The following DDC variants were observed in gnomAD, a reference collection of about 807,000 sequenced individuals.
DDC encodes dopa decarboxylase.
DDC carries 43 observed loss-of-function variants against 60.0 expected under a neutral mutation model. The ratio of observed to expected loss-of-function variants is 0.72; its 90% CI spans 0.56 to 0.92. DDC has a LOEUF of 0.92. DDC is among the 40% of genes least tolerant of loss of function. The pLI is 0.00. For synonymous variants in DDC, 232 were observed against 234.6 expected, an observed-to-expected ratio of 0.99 and a Z score of 0.10; for missense variants, 573 against 620.2, an observed-to-expected ratio of 0.92 and a Z score of 0.81.
At chr7:50,462,843 C>G (rs534107974) in intron 14 of DDC, among the ~76,000 whole-genome samples, 2 of 143,268 alleles carry the variant, frequency 1.4e-5, no homozygotes, top group African/African-American at 5.3e-5. Context: ...GATCTCGGCT[C>G]ACGGCAACCT....
intron 14 of DDC, among the ~76,000 whole-genome samples, chr7:50,460,398 G>C (rs541002757): frequency 6.7e-6 from 1 of 148,620 alleles, no homozygotes; most frequent in African/African-American, 2.5e-5. Flanking sequence ...CGCCCCATCC[G>C]GGAGGAAGGT....
chr7:50,529,655 A>C (rs11575333), intron 4 of DDC, among the ~76,000 whole-genome samples: 1 of 152,212 alleles, frequency 6.6e-6, no homozygotes, highest in South Asian at 2.1e-4. Flanking sequence ...CTGGCCTAGG[A>C]CGACTGCTCC....
intron 1 of DDC, among the ~76,000 whole-genome samples, chr7:50,560,253 G>A (rs188566655): frequency 6.6e-6 from 1 of 152,116 alleles, no homozygotes; most frequent in Non-Finnish European, 1.5e-5. Context: ...AGAAATTTTC[G>A]CAAGGAGCCT....
At chr7:50,557,390 A>T (rs2045220210) in intron 1 of DDC, among the ~76,000 whole-genome samples, 1 of 152,200 alleles carries the variant, frequency 6.6e-6, no homozygotes, top group African/African-American at 2.4e-5. Flanking sequence ...GGCTGGAAAA[A>T]TTCATAACTT....
chr7:50,474,472 G>A (rs558350659), intron 11 of DDC, among the ~76,000 whole-genome samples: 1 of 152,344 alleles, frequency 6.6e-6, no homozygotes, highest in Admixed American at 6.5e-5. Flanking sequence ...TGGAGCAGAA[G>A]AACAGGCTGG....
chr7:50,463,121 C>G, intron 14 of DDC, 92 bp downstream of exon 14: 1 of 1,013,162 alleles, frequency 9.9e-7, no homozygotes, highest in Non-Finnish European at 1.5e-6. Context: ...ATTGAGTGGC[C>G]GGGCTGGGCC....
intron 3 of DDC, 154 bp downstream of exon 3, chr7:50,539,761 T>C: frequency 1.5e-6 from 1 of 663,690 alleles, no homozygotes; most frequent in East Asian, 2.8e-5. Flanking sequence ...GCACTCTCTC[T>C]GGGCTGAATC....
Position 50,479,483 on chromosome 7 carries a change from G to A in DDC, c.1021+304C>T, listed in dbSNP as rs2042719388. Among the ~76,000 whole-genome samples, 3 of 152,188 alleles carry A rather than the reference G, an allele frequency of 2.0e-5. No homozygotes were observed. In the South Asian group the frequency reaches 6.2e-4, roughly 31 times the overall value. On this transcript the variant is annotated intron_variant, in intron 10 of 14. Coordinates refer to ENST00000444124, the MANE Select transcript of DDC (RefSeq NM_001082971.2). ...GTTAAAGACGTTTCCTTATCTGCAG[G>A]TGGTATGCATGCCCATATTAAAATC...
Position 50,479,845 on chromosome 7 carries a change from G to A in DDC, c.963C>T (p.Asp321=). 6.2e-7 allele frequency: 1 copy of A among 1,613,700 alleles called. No individual in the cohort carries two copies. Among genetic ancestry groups the A allele is most frequent in the Non-Finnish European group, 8.5e-7 (1 of 1,179,940 alleles). ...CSAMWVKKRT[D]LTGAFRLDPT... ...GGTCCAGTCTAAAGGCTCCCGTTAA[G>A]TCTGTTCTCTTTTTCACCCTGGTTT... Residue 321 remains aspartate (D), a synonymous_variant, in exon 10 of 15, where the codon GAC becomes GAT. Coordinates refer to ENST00000444124, the MANE Select transcript of DDC (RefSeq NM_001082971.2).
chr7:50,552,470 G>C (rs1187084187), intron 1 of DDC, among the ~76,000 whole-genome samples: 2 of 152,274 alleles, frequency 1.3e-5, no homozygotes, highest in Non-Finnish European at 2.9e-5. Context: ...CTGCCTCCCT[G>C]GACTTCTGGC....
chr7:50,468,454 G>A (rs1396240898), intron 12 of DDC, among the ~76,000 whole-genome samples: 2 of 152,122 alleles, frequency 1.3e-5, no homozygotes, highest in African/African-American at 2.4e-5. Flanking sequence ...AGCTGAATTC[G>A]TCTCAAATGG....
chr7:50,470,490 T>C (rs2042506302), intron 11 of DDC, among the ~76,000 whole-genome samples: 1 of 152,208 alleles, frequency 6.6e-6, no homozygotes, highest in South Asian at 2.1e-4. Flanking sequence ...GGTTCCGTGG[T>C]GAGCAAACAG....
intron 7 of DDC, among the ~76,000 whole-genome samples, chr7:50,502,078 G>GAAA (rs900782931): frequency 6.7e-6 from 1 of 150,084 alleles, no homozygotes; most frequent in Admixed American, 6.6e-5. Context: ...CAAAAATAAA[G>GAAA]AAAAAAAAAG....
intron 14 of DDC, among the ~76,000 whole-genome samples, chr7:50,459,485 C>T (rs1021671413): frequency 1.4e-4 from 21 of 151,204 alleles, no homozygotes; most frequent in African/African-American, 4.1e-4. Flanking sequence ...CGTCTCTGCC[C>T]GGCCGCCATC....
chr7:50,510,120 T>C (rs948823728), intron 6 of DDC, among the ~76,000 whole-genome samples: 4 of 152,108 alleles, frequency 2.6e-5, no homozygotes, highest in Admixed American at 6.5e-5. Context: ...TACAGGTGAC[T>C]GCCACCATGC....
At chr7:50,518,502 T>C (rs1316699348) in intron 6 of DDC, among the ~76,000 whole-genome samples, 1 of 152,218 alleles carries the variant, frequency 6.6e-6, no homozygotes, top group Middle Eastern at 3.4e-3. Flanking sequence ...TATAAGGCCA[T>C]AGTCACCAGA....
chr7:50,497,756 C>T (rs2043158035), intron 8 of DDC, among the ~76,000 whole-genome samples: 1 of 152,146 alleles, frequency 6.6e-6, no homozygotes, highest in East Asian at 1.9e-4. Flanking sequence ...CCCAAGGATC[C>T]ATCATGTAAG....
intron 1 of DDC, among the ~76,000 whole-genome samples, chr7:50,563,542 A>T: frequency 6.6e-6 from 1 of 152,144 alleles, no homozygotes; most frequent in East Asian, 1.9e-4. Context: ...TTAAGGCTCT[A>T]TGTATCTTTA....
chr7:50,502,544 G>C (rs562245017), intron 7 of DDC, among the ~76,000 whole-genome samples: 1 of 152,376 alleles, frequency 6.6e-6, no homozygotes, highest in East Asian at 1.9e-4. Flanking sequence ...GTTTGCAGCT[G>C]ATGAGGCCAA....
Sources: allele counts gnomAD v4.1 joint callset (sites outside exome capture counted in the v4.1 genomes callset), GRCh38; gene constraint gnomAD v4.1.1; transcripts MANE v1.5; gene names NCBI Gene and HGNC (gene_info 2026-07-23, HGNC 2026-07-21).